The following SLC8A1 variants were observed in gnomAD, a reference collection of about 807,000 sequenced individuals.
SLC8A1 encodes solute carrier family 8 member A1, also known as sodium/calcium exchanger 1.
In SLC8A1, 18 loss-of-function variants were observed where a neutral mutation model predicts 68.3. The ratio of observed to expected loss-of-function variants is 0.26; its 90% CI spans 0.18 to 0.39. SLC8A1 has a LOEUF of 0.39. SLC8A1 is among the 10% of genes least tolerant of loss of function. SLC8A1 has a pLI of 1.00. For synonymous variants in SLC8A1, 475 were observed against 415.5 expected (o/e 1.14, Z -1.74); for missense variants, 985 against 1,156.7 (o/e 0.85, Z 2.15).
At chr2:40,424,981 C>T (rs1696476619) in intron 2 of SLC8A1, among the ~76,000 whole-genome samples, 1 of 151,784 alleles carries the variant, frequency 6.6e-6, no homozygotes, top group Non-Finnish European at 1.5e-5. Context: ...AACAGCACTT[C>T]AAATGTGTAG....
At chr2:40,150,051 T>TAA (rs56010293) in intron 6 of SLC8A1, among the ~76,000 whole-genome samples, 11,615 of 121,638 alleles carry the variant, frequency 0.095, 714 homozygotes, top group African/African-American at 0.15. Context: ...TCTTATTTGT[T>TAA]AAAAAAAAAA....
intron 1 of SLC8A1, among the ~76,000 whole-genome samples, chr2:40,481,341 A>C (rs563340080): frequency 1.1e-4 from 16 of 152,370 alleles, no homozygotes; most frequent in African/African-American, 3.8e-4. Flanking sequence ...ACAGTGTTAA[A>C]GAAGACAAAA....
chr2:40,468,153 A>G (rs1017253721), intron 1 of SLC8A1, among the ~76,000 whole-genome samples: 3 of 152,102 alleles, frequency 2.0e-5, no homozygotes, highest in African/African-American at 7.2e-5. Context: ...TACACACAAG[A>G]TGACATGGAA....
intron 2 of SLC8A1, among the ~76,000 whole-genome samples, chr2:40,263,310 A>G (rs1445374192): frequency 2.0e-5 from 3 of 152,234 alleles, no homozygotes; most frequent in Non-Finnish European, 2.9e-5. Flanking sequence ...ATAACATATA[A>G]TAGCAACACA....
intron 7 of SLC8A1, among the ~76,000 whole-genome samples, chr2:40,122,383 A>C (rs539471644): frequency 7.9e-5 from 12 of 152,126 alleles, no homozygotes; most frequent in Non-Finnish European, 1.8e-4. Context: ...CACACTGAAA[A>C]TTTCTGCCCA....
At chr2:40,218,740 C>T (rs1303882700) in intron 2 of SLC8A1, among the ~76,000 whole-genome samples, 1 of 144,172 alleles carries the variant, frequency 6.9e-6, no homozygotes, top group African/African-American at 2.5e-5. Flanking sequence ...AAAAAAAAAA[C>T]TAATTAACAT....
chr2:40,482,621 C>G (rs1432856463), intron 1 of SLC8A1, among the ~76,000 whole-genome samples: 1 of 152,022 alleles, frequency 6.6e-6, no homozygotes, highest in African/African-American at 2.4e-5. Flanking sequence ...TGCCTGTGGT[C>G]ACACAGCTGG....
intron 2 of SLC8A1, among the ~76,000 whole-genome samples, chr2:40,264,833 AAAACTT>A (rs1215177685): frequency 5.2e-5 from 4 of 77,086 alleles, no homozygotes; most frequent in Non-Finnish European, 8.4e-5. Context: ...CATGTACCCT[AAAACTT>A]AAAGTATAAA....
rs569688192 is a variant in SLC8A1, at chr2:40,301,166, C to A, written c.1809-123311G>T. The stretch of plus-strand genomic sequence containing the variant: ...ACAATGATAAAAATAGTGATAATAA[C>A]CTTCATTCACTGAATTCTATGTGCT... On this transcript the variant is annotated intron_variant, in intron 2 of 7. Coordinates refer to ENST00000406785, the Ensembl canonical transcript of SLC8A1. Among the ~76,000 whole-genome samples, 9 of 152,274 alleles carry A rather than the reference C, an allele frequency of 5.9e-5. No homozygotes were observed. In the South Asian group the frequency reaches 1.9e-3, roughly 32 times the overall value.
chr2:40,476,239 A>T (rs952400512), intron 1 of SLC8A1, among the ~76,000 whole-genome samples: 1 of 152,194 alleles, frequency 6.6e-6, no homozygotes, highest in Non-Finnish European at 1.5e-5. Flanking sequence ...GGGAGCCTAT[A>T]GAAACTCTGG....
intron 2 of SLC8A1, among the ~76,000 whole-genome samples, chr2:40,379,113 T>G (rs1463379424): frequency 6.6e-6 from 1 of 152,106 alleles, no homozygotes; most frequent in Non-Finnish European, 1.5e-5. Context: ...AATTTTTTAG[T>G]GAATAAATGC....
At chr2:40,188,187 C>G (rs886076080) in intron 2 of SLC8A1, among the ~76,000 whole-genome samples, 1 of 152,134 alleles carries the variant, frequency 6.6e-6, no homozygotes, top group Non-Finnish European at 1.5e-5. Flanking sequence ...TTCTTGGCAT[C>G]GTCAAACTTA....
At chr2:40,134,106 T>C (rs897802267) in intron 7 of SLC8A1, among the ~76,000 whole-genome samples, 1 of 152,000 alleles carries the variant, frequency 6.6e-6, no homozygotes, top group Non-Finnish European at 1.5e-5. Flanking sequence ...TGTTTTTTTT[T>C]TTTGAGATGG....
intron 1 of SLC8A1, among the ~76,000 whole-genome samples, chr2:40,434,214 G>A (rs573901124): frequency 7.9e-5 from 12 of 152,232 alleles, no homozygotes; most frequent in South Asian, 2.1e-4. Flanking sequence ...GGGGGCTTCC[G>A]GTGTTAACTA....
exon 8 of SLC8A1, chr2:40,101,364 T>C (rs942930405): frequency 1.3e-5 from 2 of 152,154 alleles, no homozygotes; most frequent in Non-Finnish European, 2.9e-5. Context: ...GACTGTGTCA[T>C]TAAGTATAAT....
intron 1 of SLC8A1, among the ~76,000 whole-genome samples, chr2:40,467,104 C>A (rs1242450878): frequency 1.3e-5 from 2 of 152,008 alleles, no homozygotes; most frequent in Non-Finnish European, 2.9e-5. Context: ...GTAGAAAGGA[C>A]CAGAGAGGAT....
At chr2:40,418,783 C>T (rs186042389) in intron 2 of SLC8A1, among the ~76,000 whole-genome samples, 1 of 152,154 alleles carries the variant, frequency 6.6e-6, no homozygotes, top group Non-Finnish European at 1.5e-5. Flanking sequence ...CTTCTGGTCT[C>T]CATCAGAGAG....
intron 2 of SLC8A1, among the ~76,000 whole-genome samples, chr2:40,234,593 C>T (rs1574460778): frequency 6.6e-6 from 1 of 152,248 alleles, no homozygotes; most frequent in African/African-American, 2.4e-5. Flanking sequence ...CCCTTTATTT[C>T]CTTCTCCTGC....
intron 2 of SLC8A1, among the ~76,000 whole-genome samples, chr2:40,410,514 T>C (rs1274220176): frequency 6.6e-6 from 1 of 152,034 alleles, no homozygotes; most frequent in African/African-American, 2.4e-5. Flanking sequence ...AAAAACAAAA[T>C]TGTGAGATTT....
Sources: allele counts gnomAD v4.1 joint callset (sites outside exome capture counted in the v4.1 genomes callset), GRCh38; gene constraint gnomAD v4.1.1; transcripts MANE v1.5; gene names NCBI Gene and HGNC (gene_info 2026-07-23, HGNC 2026-07-21).